MAML3: variants seen among roughly 807,000 people sequenced by gnomAD.
The protein encoded by MAML3 is mastermind-like protein 3.
In MAML3, 27 loss-of-function variants were observed where a neutral mutation model predicts 101.9. The observed-to-expected ratio is 0.27, with a 90% confidence interval of 0.20 to 0.37. The LOEUF (loss-of-function observed/expected upper bound fraction) is 0.37. Ranked by LOEUF, MAML3 falls within the 10% of genes least tolerant of loss-of-function variation. The pLI is 1.00. For missense variants in MAML3, 1,316 were observed against 1,444.9 expected, an observed-to-expected ratio of 0.91 and a Z score of 1.45; for synonymous variants, 501 against 555.9, an observed-to-expected ratio of 0.90 and a Z score of 1.39.
At chr4:139,736,710 G>C (rs1350431639) in intron 2 of MAML3, among the ~76,000 whole-genome samples, 1 of 152,184 alleles carries the variant, frequency 6.6e-6, no homozygotes, top group Non-Finnish European at 1.5e-5. Flanking sequence ...CTGGGAGCTT[G>C]TTAGAAATGC....
At chr4:140,010,358 C>T (rs544579133) in intron 1 of MAML3, among the ~76,000 whole-genome samples, 1 of 152,282 alleles carries the variant, frequency 6.6e-6, no homozygotes, top group South Asian at 2.1e-4. Context: ...TATACACACA[C>T]ACATATTTAT....
intron 2 of MAML3, among the ~76,000 whole-genome samples, chr4:139,835,633 G>T (rs1184977942): frequency 6.6e-6 from 1 of 152,158 alleles, no homozygotes; most frequent in African/African-American, 2.4e-5. Context: ...TTTATCAACG[G>T]GGACCTGCCC....
At chr4:139,895,495 G>T (rs1216314582) in intron 1 of MAML3, among the ~76,000 whole-genome samples, 1 of 152,150 alleles carries the variant, frequency 6.6e-6, no homozygotes, top group Non-Finnish European at 1.5e-5. Context: ...TGAGTCTGAG[G>T]TTAAATGAAA....
chr4:140,039,243 C>T (rs187082377), intron 1 of MAML3, among the ~76,000 whole-genome samples: 1 of 152,290 alleles, frequency 6.6e-6, no homozygotes, highest in East Asian at 1.9e-4. Flanking sequence ...GAGAACCACA[C>T]CAGCCTCACA....
intron 1 of MAML3, among the ~76,000 whole-genome samples, chr4:140,098,770 C>T (rs1728201882): frequency 6.6e-6 from 1 of 152,228 alleles, no homozygotes; most frequent in Non-Finnish European, 1.5e-5. Flanking sequence ...GCCCTGGAGC[C>T]ACCCACACCC....
intron 1 of MAML3, among the ~76,000 whole-genome samples, chr4:140,133,555 A>G (rs1016533021): frequency 2.6e-5 from 4 of 152,182 alleles, no homozygotes; most frequent in Admixed American, 2.6e-4. Context: ...TCCTTCAGGT[A>G]TTAAATAATT....
intron 1 of MAML3, among the ~76,000 whole-genome samples, chr4:139,919,450 T>A (rs1733084420): frequency 6.6e-6 from 1 of 152,246 alleles, no homozygotes; most frequent in Admixed American, 6.5e-5. Flanking sequence ...GCAATTTGGA[T>A]GTCATAACTT....
At chr4:139,995,079 G>T (rs1334445013) in intron 1 of MAML3, among the ~76,000 whole-genome samples, 1 of 152,008 alleles carries the variant, frequency 6.6e-6, no homozygotes, top group Non-Finnish European at 1.5e-5. Flanking sequence ...CCTATTTGTT[G>T]AAGTTTTTAT....
At chr4:139,939,764 C>CTTTTT (rs1233151703) in intron 1 of MAML3, among the ~76,000 whole-genome samples, 2 of 133,444 alleles carry the variant, frequency 1.5e-5, no homozygotes, top group African/African-American at 2.8e-5. Flanking sequence ...CAGGCACTTG[C>CTTTTT]TTTTTTTTTT....
At chr4:140,092,091 T>TAC in intron 1 of MAML3, among the ~76,000 whole-genome samples, 1 of 64,644 alleles carries the variant, frequency 1.5e-5, no homozygotes, top group Non-Finnish European at 4.1e-5. Context: ...TATATACGTA[T>TAC]ATATATATAT....
At chr4:139,972,770 C>T (rs144671098) in intron 1 of MAML3, among the ~76,000 whole-genome samples, 211 of 152,014 alleles carry the variant, frequency 1.4e-3, no homozygotes, top group African/African-American at 4.6e-3. Flanking sequence ...TGAATTCTGA[C>T]GACAATTTGC....
chr4:139,777,348 C>G (rs1051766585), intron 2 of MAML3, among the ~76,000 whole-genome samples: 1 of 152,214 alleles, frequency 6.6e-6, no homozygotes, highest in Non-Finnish European at 1.5e-5. Flanking sequence ...CTTCCCTCCT[C>G]TACCTGCTCC....
intron 1 of MAML3, among the ~76,000 whole-genome samples, chr4:139,928,579 G>C (rs748892154): frequency 6.6e-6 from 1 of 152,178 alleles, no homozygotes; most frequent in Non-Finnish European, 1.5e-5. Context: ...TAAAGATTAG[G>C]GGAAAGCACT....
intron 1 of MAML3, among the ~76,000 whole-genome samples, chr4:140,033,890 A>C (rs1005906871): frequency 6.6e-6 from 1 of 152,204 alleles, no homozygotes; most frequent in Admixed American, 6.5e-5. Context: ...CTTATTTTAA[A>C]ATCTTTGTGA....
intron 2 of MAML3, among the ~76,000 whole-genome samples, chr4:139,777,075 G>T (rs1051837568): frequency 6.6e-6 from 1 of 152,156 alleles, no homozygotes; most frequent in Non-Finnish European, 1.5e-5. Flanking sequence ...TGCAGGGTTT[G>T]GGGGAGGAAG....
At chr4:139,873,042 A>G (rs1732045301) in intron 2 of MAML3, among the ~76,000 whole-genome samples, 1 of 152,190 alleles carries the variant, frequency 6.6e-6, no homozygotes, top group Non-Finnish European at 1.5e-5. Context: ...AGATTGTGCC[A>G]CTGCACTCCA....
intron 1 of MAML3, among the ~76,000 whole-genome samples, chr4:140,114,037 C>A (rs924208169): frequency 6.6e-6 from 1 of 152,178 alleles, no homozygotes; most frequent in Non-Finnish European, 1.5e-5. Flanking sequence ...GTTTCCTATG[C>A]CTTTAAAGTC....
chr4:140,099,475 T>C (rs1466422063), intron 1 of MAML3, among the ~76,000 whole-genome samples: 1 of 152,124 alleles, frequency 6.6e-6, no homozygotes. Flanking sequence ...CATAGCTCAC[T>C]GCAGTCTCGA....
At chr4:139,822,364 C>G (rs1202391799) in intron 2 of MAML3, among the ~76,000 whole-genome samples, 7 of 151,610 alleles carry the variant, frequency 4.6e-5, no homozygotes, top group Non-Finnish European at 8.8e-5. Context: ...GGGAGCTGTA[C>G]CTCCTGTTCT....
Sources: gnomAD v4.1 joint callset for allele counts (sites outside exome capture counted in the v4.1 genomes callset) on GRCh38, gnomAD v4.1.1 for gene constraint, MANE v1.5 for transcripts, NCBI Gene and HGNC (gene_info 2026-07-23, HGNC 2026-07-21) for gene names.